The following TNFRSF10D variants were observed in gnomAD, a reference collection of about 807,000 sequenced individuals.
TNFRSF10D encodes the protein tumor necrosis factor receptor superfamily member 10D.
A neutral mutation model predicts 42.1 loss-of-function variants in TNFRSF10D; 28 were observed. The observed-to-expected ratio is 0.66, with a 90% CI of 0.49 to 0.91. The LOEUF is 0.91. Among genes scored for constraint, TNFRSF10D ranks in the 40% least tolerant of loss-of-function variants. The pLI is 0.00. For missense variants in TNFRSF10D, 503 were observed against 486.1 expected (o/e 1.03, Z -0.33); for synonymous variants, 186 against 189.4 (o/e 0.98, Z 0.15).
At chr8:23,138,136 A>G (rs1451195278) in intron 8 of TNFRSF10D, 52 bp downstream of exon 8, 4 of 1,612,294 alleles carry the variant, frequency 2.5e-6, no homozygotes, top group Non-Finnish European at 3.4e-6. Flanking sequence ...CAGTTAGGAC[A>G]CCGTCCCTAT....
At chr8:23,161,642 C>T (rs10102977) in intron 1 of TNFRSF10D, among the ~76,000 whole-genome samples, 26,534 of 152,088 alleles carry the variant, frequency 0.17, 2,966 homozygotes, top group East Asian at 0.59. Context: ...CCAAAACTCC[C>T]GTATCCTTGA....
At chr8:23,161,072 GC>G (rs112793869) in intron 1 of TNFRSF10D, among the ~76,000 whole-genome samples, 656 of 151,768 alleles carry the variant, frequency 4.3e-3, no homozygotes, top group African/African-American at 0.014. Flanking sequence ...GAGGACATGT[GC>G]CCTGGGGATC....
intron 2 of TNFRSF10D, among the ~76,000 whole-genome samples, chr8:23,152,912 G>A (rs1421076770): frequency 2.6e-5 from 4 of 152,112 alleles, no homozygotes; most frequent in African/African-American, 9.7e-5. Flanking sequence ...AATAGCCAAA[G>A]TGATCTTAAG....
At chr8:23,162,925 T>C (rs1010059324) in intron 1 of TNFRSF10D, among the ~76,000 whole-genome samples, 11 of 151,476 alleles carry the variant, frequency 7.3e-5, no homozygotes, top group African/African-American at 2.4e-4. Context: ...GTTTGTTTGT[T>C]TGTCTGTTTT....
intron 2 of TNFRSF10D, among the ~76,000 whole-genome samples, chr8:23,149,055 T>A (rs1242313225): frequency 6.7e-6 from 1 of 150,086 alleles, no homozygotes; most frequent in Non-Finnish European, 1.5e-5. Context: ...CCGGGCGTGG[T>A]GGCAGGCACC....
At chr8:23,148,604 C>T in intron 2 of TNFRSF10D, 53 bp from the exon 3 acceptor site, 1 of 1,358,092 alleles carries the variant, frequency 7.4e-7, no homozygotes, top group Non-Finnish European at 1.0e-6. Context: ...TTCCCAGAGG[C>T]TGACAATGGC....
chr8:23,164,003 G>C lies in TNFRSF10D; in HGVS notation c.-68C>G, dbSNP rs1015441858. Reference sequence around the variant, plus strand: ...GAAATCGTCCCCGTAGTTTGTGCGCGTGCAAAGGTTCTCGCAGCTACACTG... The same window carrying C: ...GAAATCGTCCCCGTAGTTTGTGCGCCTGCAAAGGTTCTCGCAGCTACACTG... On this transcript the variant is annotated 5_prime_UTR_variant, in exon 1 of 9. Coordinates refer to ENST00000312584, the MANE Select transcript of TNFRSF10D (RefSeq NM_003840.5). The C allele has an allele frequency of 1.1e-5, 16 of 1,476,786 alleles. No individual in the cohort carries two copies. The African/African-American group carries it at 1.7e-4, about 16-fold the overall frequency. The allele number at this position is 1,476,786 out of a possible 1,614,324, so 91.5% of individuals were successfully genotyped here.
Position 23,136,183 on chromosome 8 carries a change from T to C in TNFRSF10D, c.*1687A>G, listed in dbSNP as rs957259014. On this transcript the variant is annotated 3_prime_UTR_variant, in exon 9 of 9. Transcript: ENST00000312584. ...TTATCCTACCACGACTGGGCTACTG[T>C]GGAGAAGAGTTTGCTGGAAAGAAGC... is the stretch of plus-strand genomic sequence containing the variant. 5 of 248,022 alleles carry C rather than the reference T, an allele frequency of 2.0e-5. No homozygotes were observed. Among genetic ancestry groups the C allele is most frequent in the African/African-American group, 6.8e-5 (3 of 43,948 alleles). 15.4% of individuals were successfully genotyped at this position (248,022 alleles called of 1,614,324 possible).
rs1814328224 is a variant in TNFRSF10D, at chr8:23,136,384, C to T, written c.*1486G>A. The T allele has an allele frequency of 1.1e-5, 2 of 185,148 alleles. No individual in the cohort carries two copies. Among genetic ancestry groups the T allele is most frequent in the Non-Finnish European group, 2.3e-5 (2 of 88,702 alleles). 11.5% of individuals were successfully genotyped at this position (185,148 alleles called of 1,614,324 possible). Reference sequence around the variant, plus strand: ...AGGGAATCTGTACCCTAAAACGCAGCTCAGGAATCTCTGCCCTAAAAGGCA... The same window carrying T: ...AGGGAATCTGTACCCTAAAACGCAGTTCAGGAATCTCTGCCCTAAAAGGCA... On this transcript the variant is annotated 3_prime_UTR_variant, in exon 9 of 9. Coordinates refer to ENST00000312584, the MANE Select transcript of TNFRSF10D (RefSeq NM_003840.5).
chr8:23,140,150 G>A (rs1427302328), intron 7 of TNFRSF10D, among the ~76,000 whole-genome samples: 5 of 152,090 alleles, frequency 3.3e-5, no homozygotes, highest in Middle Eastern at 3.2e-3. Flanking sequence ...CTAACCAGGC[G>A]TGGCAGTGTG....
In TNFRSF10D at chr8:23,146,589, T is replaced by TA. The variant is rs200142265; in HGVS notation, c.482+371dup. Among the ~76,000 whole-genome samples, 146 of 152,230 alleles carry TA rather than the reference T, an allele frequency of 9.6e-4. 1 individual carries two copies. In the East Asian group the frequency reaches 0.026, roughly 27 times the overall value. On this transcript the variant is annotated intron_variant, in intron 4 of 8. Transcript: ENST00000312584. ...AAAAATTACATTTTTTAAACCAACT[T>TA]AGAGTAAGGAAAAATACAAGCCAGG...
Position 23,144,527 on chromosome 8 carries a change from G to C in TNFRSF10D, c.877C>G (p.Gln293Glu), listed in dbSNP as rs1446776629. 36 of 1,614,074 alleles carry C rather than the reference G, an allele frequency of 2.2e-5. No homozygotes were observed. The highest frequency in any genetic ancestry group is 2.9e-5 in the Non-Finnish European group (34 of 1,180,036). Residue 293 changes from glutamine (Q) to glutamate (E), a missense_variant, in exon 7 of 9, where the codon CAG becomes GAG. Gln to Glu is a conservative substitution (Grantham distance 29, BLOSUM62 2). Coordinates refer to ENST00000312584, the MANE Select transcript of TNFRSF10D (RefSeq NM_003840.5). ...GCCAGCTCCTGACCTTGGATTTCCT[G>C]CTCAGAGACCTGGGTGGGCTGCAAG... ...RYLQPTQVSE[Q>E]EIQGQELAEL...
At chr8:23,145,626 G>GGCAGA (rs1800107675) in intron 5 of TNFRSF10D, 42 bp downstream of exon 5, 3 of 1,611,556 alleles carry the variant, frequency 1.9e-6, no homozygotes, top group Admixed American at 3.3e-5. Flanking sequence ...GAGAGGGCAG[G>GGCAGA]GCAGACAGTG....
intron 1 of TNFRSF10D, among the ~76,000 whole-genome samples, chr8:23,159,349 G>A (rs1409485459): frequency 2.6e-5 from 4 of 151,954 alleles, no homozygotes; most frequent in Non-Finnish European, 4.4e-5. Flanking sequence ...CCTAAAAGCA[G>A]GAGATGAAAG....
chr8:23,156,090 A>T (rs115071839), intron 1 of TNFRSF10D, among the ~76,000 whole-genome samples: 913 of 152,192 alleles, frequency 6.0e-3, no homozygotes, highest in African/African-American at 0.019. Flanking sequence ...TAGAGTCTGC[A>T]TATTAGATAG....
chr8:23,140,085 C>G (rs140841745), intron 7 of TNFRSF10D, among the ~76,000 whole-genome samples: 6,882 of 152,176 alleles, frequency 0.045, 359 homozygotes, highest in African/African-American at 0.12. Context: ...GTCAGGAGAT[C>G]GAGACCATCC....
chr8:23,146,009 T>A, intron 4 of TNFRSF10D, 88 bp from the exon 5 acceptor site: 1 of 1,590,780 alleles, frequency 6.3e-7, no homozygotes, highest in Admixed American at 1.7e-5. Flanking sequence ...CTGCCCAAAG[T>A]CCCTGAGAAG....
chr8:23,151,407 A>G (rs1042838849), intron 2 of TNFRSF10D, among the ~76,000 whole-genome samples: 1 of 152,078 alleles, frequency 6.6e-6, no homozygotes, highest in Non-Finnish European at 1.5e-5. Context: ...GAAATGTTAA[A>G]GAGAGTTATT....
At chr8:23,148,956 C>T (rs1372514584) in intron 2 of TNFRSF10D, among the ~76,000 whole-genome samples, 5 of 151,362 alleles carry the variant, frequency 3.3e-5, no homozygotes, top group African/African-American at 7.3e-5. Flanking sequence ...TTAGGGAGGC[C>T]AAGGCGGACG....
Sources: allele counts gnomAD v4.1 joint callset (sites outside exome capture counted in the v4.1 genomes callset), GRCh38; gene constraint gnomAD v4.1.1; transcripts MANE v1.5; gene names NCBI Gene and HGNC (gene_info 2026-07-23, HGNC 2026-07-21).